Variants in PDE4D observed in about 807,000 individuals in gnomAD.
PDE4D encodes the protein phosphodiesterase 4D.
Under a neutral mutation model 87.4 loss-of-function variants are expected in PDE4D, and 24 were observed. The observed-to-expected ratio is 0.27, with a 90% CI of 0.20 to 0.39. PDE4D has a LOEUF of 0.39. PDE4D is among the 10% of genes least tolerant of loss of function. The pLI is 1.00. For missense variants in PDE4D, 714 were observed against 1,041.0 expected, an observed-to-expected ratio of 0.69 and a Z score of 4.32; for synonymous variants, 384 against 383.2, an observed-to-expected ratio of 1.00 and a Z score of -0.02.
At chr5:60,348,620 A>G (rs1351089995) in intron 1 of PDE4D, among the ~76,000 whole-genome samples, 2 of 152,148 alleles carry the variant, frequency 1.3e-5, no homozygotes, top group Non-Finnish European at 2.9e-5. Flanking sequence ...TGTGAAGTCC[A>G]ACTGCTTAAA....
intron 3 of PDE4D, among the ~76,000 whole-genome samples, chr5:59,192,843 A>G (rs1744644750): frequency 6.6e-6 from 1 of 152,180 alleles, no homozygotes; most frequent in Non-Finnish European, 1.5e-5. Flanking sequence ...TTTGGATTTA[A>G]TTGACCAGGG....
intron 2 of PDE4D, among the ~76,000 whole-genome samples, chr5:60,090,160 T>C (rs997568132): frequency 9.3e-5 from 14 of 149,862 alleles, no homozygotes; most frequent in African/African-American, 3.6e-4. Flanking sequence ...ACTTCTAAAC[T>C]ATACTTCTAA....
chr5:59,027,003 CT>C (rs2153381503), intron 6 of PDE4D, among the ~76,000 whole-genome samples: 1 of 152,182 alleles, frequency 6.6e-6, no homozygotes, highest in East Asian at 1.9e-4. Context: ...ACGTAATTTC[CT>C]TTTTTCTGTT....
Position 60,433,519 on chromosome 5 carries a change from C to A in PDE4D, c.-90+54423G>T, listed in dbSNP as rs139361581. Among the ~76,000 whole-genome samples the A allele has an allele frequency of 8.7e-3, 1,331 of 152,300 alleles. 15 individuals carry two copies. The highest frequency in any genetic ancestry group is 0.03 in the African/African-American group (1,253 of 41,554). ...ACTGTGGAAAGCAGTTTGGCAATTT[C>A]TCGAAGAACTTAAAACAGAACCACC... On this transcript the variant is annotated intron_variant, in intron 1 of 16. Transcript: ENST00000502484.
intron 1 of PDE4D, among the ~76,000 whole-genome samples, chr5:59,708,125 T>G (rs1753712967): frequency 6.6e-6 from 1 of 152,186 alleles, no homozygotes; most frequent in Non-Finnish European, 1.5e-5. Flanking sequence ...CATCTGTTGT[T>G]TCTTGACTAT....
chr5:59,509,754 A>T (rs1332108301), intron 1 of PDE4D, among the ~76,000 whole-genome samples: 1 of 150,128 alleles, frequency 6.7e-6, no homozygotes, highest in East Asian at 1.9e-4. Flanking sequence ...GCCAGAAAAG[A>T]CGTGAAAAGA....
At chr5:60,334,461 G>A (rs1342732142) in intron 1 of PDE4D, among the ~76,000 whole-genome samples, 3 of 151,976 alleles carry the variant, frequency 2.0e-5, no homozygotes, top group Non-Finnish European at 2.9e-5. Context: ...AAAGTTCATC[G>A]CAGTGATCCC....
intron 1 of PDE4D, among the ~76,000 whole-genome samples, chr5:60,437,903 CAACT>C (rs1045615066): frequency 1.3e-5 from 2 of 152,136 alleles, no homozygotes; most frequent in African/African-American, 4.8e-5. Context: ...TTCATTAGAA[CAACT>C]TTTGCAAAAG....
chr5:60,305,070 C>CACAA (rs1491113759), intron 1 of PDE4D, among the ~76,000 whole-genome samples: 4 of 146,854 alleles, frequency 2.7e-5, no homozygotes, highest in African/African-American at 5.2e-5. Context: ...CACACACACA[C>CACAA]AACACACAAC....
intron 1 of PDE4D, among the ~76,000 whole-genome samples, chr5:59,702,163 G>A (rs1175635614): frequency 2.6e-5 from 4 of 152,072 alleles, no homozygotes; most frequent in Admixed American, 6.5e-5. Context: ...TCACTCTGTC[G>A]CCCAGGCTGG....
chr5:59,042,887 TGAA>T (rs1759927560), intron 5 of PDE4D, among the ~76,000 whole-genome samples: 1 of 152,152 alleles, frequency 6.6e-6, no homozygotes, highest in Non-Finnish European at 1.5e-5. Context: ...GAGAAGATGC[TGAA>T]GAAGCAGCTT....
rs540424295 is a variant in PDE4D at position 59,930,073 on chromosome 5, A to G, written c.272+58415T>C. ...GCTACTCGGGAGGCTGAGGCAGGAG[A>G]ATGGCGTGAACCCGGGAGGCGGAGC... On this transcript the variant is annotated intron_variant, in intron 3 of 16. Coordinates refer to the PDE4D transcript ENST00000502484. Among the ~76,000 whole-genome samples, 5 of 148,734 alleles carry G rather than the reference A, an allele frequency of 3.4e-5. No individual in the cohort carries two copies. In the East Asian group the frequency reaches 1.0e-3, roughly 31 times the overall value.
intron 1 of PDE4D, among the ~76,000 whole-genome samples, chr5:59,352,016 C>A (rs1175211606): frequency 1.3e-5 from 2 of 152,094 alleles, no homozygotes; most frequent in Non-Finnish European, 1.5e-5. Context: ...AGAATTCACA[C>A]CTGTGCAGGT....
At chr5:60,497,290 A>G (rs757723482) in intron 1 of PDE4D, among the ~76,000 whole-genome samples, 18 of 151,540 alleles carry the variant, frequency 1.2e-4, no homozygotes, top group Non-Finnish European at 2.1e-4. Context: ...TGATGTGGGG[A>G]AATGATAGCA....
At chr5:59,097,844 T>C (rs182623795) in intron 5 of PDE4D, among the ~76,000 whole-genome samples, 115 of 152,332 alleles carry the variant, frequency 7.5e-4, no homozygotes, top group East Asian at 1.9e-4. Flanking sequence ...TATCCTTTAA[T>C]GATCCCCTTC....
intron 1 of PDE4D, among the ~76,000 whole-genome samples, chr5:59,800,979 T>G (rs961535189): frequency 6.6e-6 from 1 of 152,228 alleles, no homozygotes; most frequent in South Asian, 2.1e-4. Flanking sequence ...TGCTAAACAT[T>G]TTTTTAATTT....
At chr5:60,500,440 T>C (rs1170368398) in intron 1 of PDE4D, among the ~76,000 whole-genome samples, 1 of 152,244 alleles carries the variant, frequency 6.6e-6, no homozygotes, top group Non-Finnish European at 1.5e-5. Context: ...GAGAAATAAC[T>C]AATTCCATAG....
intron 1 of PDE4D, among the ~76,000 whole-genome samples, chr5:60,428,461 A>G: frequency 6.6e-6 from 1 of 152,214 alleles, no homozygotes; most frequent in Non-Finnish European, 1.5e-5. Context: ...AAATTCATTC[A>G]TGCAATGAGA....
intron 1 of PDE4D, among the ~76,000 whole-genome samples, chr5:59,801,392 C>T (rs915330480): frequency 3.9e-5 from 6 of 152,120 alleles, no homozygotes; most frequent in African/African-American, 1.2e-4. Context: ...CTTACTGACA[C>T]CATCATTATT....
Sources: gnomAD v4.1 joint callset for allele counts (sites outside exome capture counted in the v4.1 genomes callset) on GRCh38, gnomAD v4.1.1 for gene constraint, MANE v1.5 for transcripts, NCBI Gene and HGNC (gene_info 2026-07-23, HGNC 2026-07-21) for gene names.